Variants in SENP6 observed in about 807,000 individuals in gnomAD.
SENP6 encodes the protein SUMO specific peptidase 6.
In SENP6, 41 loss-of-function variants were observed where a neutral mutation model predicts 134.5. The ratio of observed to expected loss-of-function variants is 0.30; its 90% CI spans 0.24 to 0.40. SENP6 has a LOEUF of 0.40. Among genes scored for constraint, SENP6 ranks in the 10% least tolerant of loss-of-function variants. SENP6 has a pLI of 1.00. For missense variants in SENP6, 1,248 were observed against 1,312.5 expected, an observed-to-expected ratio of 0.95 and a Z score of 0.76; for synonymous variants, 395 against 429.8, an observed-to-expected ratio of 0.92 and a Z score of 1.00.
chr6:75,625,507 C>G (rs1282026560), intron 3 of SENP6, among the ~76,000 whole-genome samples: 7 of 152,112 alleles, frequency 4.6e-5, no homozygotes. Flanking sequence ...CTTATGTCAT[C>G]AGATGTATCA....
Position 75,695,851 on chromosome 6 carries a change from A to T in SENP6, c.2123A>T (p.His708Leu), listed in dbSNP as rs1211449950. 6.2e-7 allele frequency: 1 copy of T among 1,606,786 alleles called. No homozygotes were observed. The highest frequency in any genetic ancestry group is 2.2e-5 in the East Asian group (1 of 44,666). Residue 708 changes from histidine to leucine, a missense_variant, in exon 17 of 24, where the codon CAT (histidine) becomes CTT (leucine). Coordinates refer to ENST00000447266, the MANE Select transcript of SENP6 (RefSeq NM_015571.4). ...KLKKEDADRI[H>L]IFSSFFYKRL... Reference sequence around the variant, plus strand: ...AAGAAGGAAGACGCTGACCGAATTCATATATTCAGTTCTTTTTTCTATAAA... The same window carrying T: ...AAGAAGGAAGACGCTGACCGAATTCTTATATTCAGTTCTTTTTTCTATAAA...
At chr6:75,696,061 C>T (rs1582881891) in intron 17 of SENP6, 138 bp downstream of exon 17, 1 of 705,038 alleles carries the variant, frequency 1.4e-6, no homozygotes, top group African/African-American at 1.8e-5. Flanking sequence ...AGGAAGAGAA[C>T]ACACTAAATA....
At chr6:75,623,861 A>G in intron 2 of SENP6, 39 bp from the exon 3 acceptor site, 3 of 1,523,830 alleles carry the variant, frequency 2.0e-6, no homozygotes, top group African/African-American at 1.4e-5. Context: ...AAGGATTGTG[A>G]TTGCTACTTA....
intron 18 of SENP6, among the ~76,000 whole-genome samples, chr6:75,700,693 C>T (rs1242868923): frequency 1.3e-5 from 2 of 152,058 alleles, no homozygotes; most frequent in East Asian, 3.9e-4. Flanking sequence ...GGTTTTGCCA[C>T]GTTGCCCAGG....
Position 75,602,363 on chromosome 6 carries a change from G to T in SENP6, c.-162G>T, listed in dbSNP as rs530878593. 3.5e-5 allele frequency: 28 copies of T among 800,638 alleles called. No homozygotes were observed. In the East Asian group the frequency reaches 7.3e-4, roughly 21 times the overall value. 49.6% of individuals were successfully genotyped at this position (800,638 alleles called of 1,614,324 possible). Reference sequence around the variant, plus strand: ...GCCCGGGCGCGCCTGGCCTGCCTTTGTATAGGCCCGTCTGAACGTGGGAGC... The same window carrying T: ...GCCCGGGCGCGCCTGGCCTGCCTTTTTATAGGCCCGTCTGAACGTGGGAGC... On this transcript the variant is annotated 5_prime_UTR_variant, in exon 1 of 24. Coordinates refer to ENST00000447266, the MANE Select transcript of SENP6 (RefSeq NM_015571.4).
chr6:75,666,665 A>G (rs1375431985), intron 9 of SENP6, 47 bp from the exon 10 acceptor site: 1 of 933,272 alleles, frequency 1.1e-6, no homozygotes, highest in Admixed American at 4.1e-5. Context: ...ATATAAAATT[A>G]TAACTATAGT....
intron 5 of SENP6, among the ~76,000 whole-genome samples, chr6:75,637,652 TA>T (rs1769626561): frequency 6.6e-6 from 1 of 152,080 alleles, no homozygotes; most frequent in African/African-American, 2.4e-5. Flanking sequence ...TAAGTATAGA[TA>T]AAAAGACTTA....
chr6:75,689,524 A>G (rs141345761), intron 16 of SENP6, among the ~76,000 whole-genome samples: 98 of 152,314 alleles, frequency 6.4e-4, no homozygotes, highest in African/African-American at 2.4e-3. Flanking sequence ...CTCCTCAAAA[A>G]ATTTGAAATA....
At chr6:75,713,911 T>C (rs1409170348) in intron 23 of SENP6, 86 bp downstream of exon 23, 1 of 1,031,856 alleles carries the variant, frequency 9.7e-7, no homozygotes, top group Non-Finnish European at 1.4e-6. Flanking sequence ...AATAAGCAAA[T>C]ATTTTAAAGA....
Position 75,709,623 on chromosome 6 carries a change from A to T in SENP6, c.2813A>T (p.Asp938Val), listed in dbSNP as rs1489949461. The change falls in exon 20 of 24, where the codon GAT becomes GTT. Residue 938 changes from aspartate (D) to valine (V), a missense_variant. Coordinates refer to ENST00000447266, the MANE Select transcript of SENP6 (RefSeq NM_015571.4). ...DELVDFSEDQDNQDDSSDDGF... is the reference protein window; with the variant it reads ...DELVDFSEDQVNQDDSSDDGF... ...CTCGTCGACTTCTCAGAAGATCAGG[A>T]TAACCAGGTAAAACTTAATGCTTGG... The T allele has an allele frequency of 1.9e-6, 3 of 1,612,576 alleles. No homozygotes were observed. Among genetic ancestry groups the T allele is most frequent in the Non-Finnish European group, 2.5e-6 (3 of 1,178,694 alleles).
chr6:75,676,996 G>GTT, intron 13 of SENP6, 34 bp from the exon 14 acceptor site: 2 of 988,004 alleles, frequency 2.0e-6, no homozygotes, highest in Non-Finnish European at 1.5e-6. Flanking sequence ...CTTCTTTTGT[G>GTT]TTTTTTTTTG....
intron 1 of SENP6, among the ~76,000 whole-genome samples, chr6:75,609,245 C>G (rs908127113): frequency 1.3e-5 from 2 of 152,134 alleles, no homozygotes; most frequent in Non-Finnish European, 2.9e-5. Context: ...TTACTCTTAC[C>G]TCTTTTTCCT....
At chr6:75,711,439 G>A in intron 21 of SENP6, 23 bp downstream of exon 21, 1 of 1,464,262 alleles carries the variant, frequency 6.8e-7, no homozygotes, top group East Asian at 2.3e-5. Context: ...TGTGTATCTT[G>A]AAAACTACAT....
chr6:75,709,818 A>C (rs907765951), intron 20 of SENP6, among the ~76,000 whole-genome samples, 188 bp downstream of exon 20: 1 of 152,136 alleles, frequency 6.6e-6, no homozygotes, highest in Non-Finnish European at 1.5e-5. Flanking sequence ...AAAAAAATGA[A>C]AAAAGGAAAA....
At chr6:75,660,650 C>G (rs1023987839) in intron 8 of SENP6, among the ~76,000 whole-genome samples, 1 of 151,076 alleles carries the variant, frequency 6.6e-6, no homozygotes, top group African/African-American at 2.4e-5. Flanking sequence ...TTTTTTTCCC[C>G]GAGATGGAGT....
At position 75,677,177 on chromosome 6, in the gene SENP6, G is replaced by A. The variant is rs749486990; in HGVS notation, c.1769G>A (p.Gly590Asp). ...FAKIPFEEAN[G>D]RLVACTRTYE... ...AAAATTCCCTTTGAAGAAGCTAATG[G>A]CAGACTTGTTGCCTGTACAAGAACC... Residue 590 changes from glycine (G) to aspartate (D), a missense_variant, in exon 14 of 24, where the codon GGC becomes GAC. By Grantham distance (94) the Gly-to-Asp change is moderately conservative. Around this residue, in one of 3 missense-constraint regions of SENP6, gnomAD observed 733 missense variants for 725.4 expected, o/e 1.01. Coordinates refer to ENST00000447266, the MANE Select transcript of SENP6 (RefSeq NM_015571.4). 15 of 1,612,496 alleles carry A rather than the reference G, an allele frequency of 9.3e-6. No homozygotes were observed. The highest frequency in any genetic ancestry group is 1.3e-5 in the African/African-American group (1 of 74,836).
At chr6:75,632,673 C>T (rs980676727) in intron 3 of SENP6, among the ~76,000 whole-genome samples, 1 of 152,008 alleles carries the variant, frequency 6.6e-6, no homozygotes, top group African/African-American at 2.4e-5. Context: ...TGATGCTGTG[C>T]TTGCATTACC....
At chr6:75,679,304 G>A in intron 16 of SENP6, 1 of 167,406 alleles carries the variant, frequency 6.0e-6, no homozygotes. Context: ...CACTTGGGAG[G>A]CTCAGACAGG....
At chr6:75,699,677 A>G (rs1774902537) in intron 18 of SENP6, among the ~76,000 whole-genome samples, 1 of 150,998 alleles carries the variant, frequency 6.6e-6, no homozygotes, top group Admixed American at 6.6e-5. Flanking sequence ...TTTTTAGAGG[A>G]TGGGGTTTTG....
Sources: allele counts gnomAD v4.1 joint callset (sites outside exome capture counted in the v4.1 genomes callset), GRCh38; gene constraint gnomAD v4.1.1; regional missense constraint gnomAD v4.1.1; transcripts MANE v1.5; gene names NCBI Gene and HGNC (gene_info 2026-07-23, HGNC 2026-07-21).